The following PLEC variants were observed in gnomAD, a reference collection of about 807,000 sequenced individuals.
PLEC encodes plectin.
PLEC carries 216 observed loss-of-function variants against 392.8 expected under a neutral mutation model. That is an observed-to-expected ratio of 0.55 (90% CI 0.49 to 0.62). PLEC has a LOEUF of 0.62. Ranked by LOEUF, PLEC falls within the 20% of genes least tolerant of loss-of-function variation. The pLI is 0.00. For missense variants in PLEC, 6,863 were observed against 6,563.4 expected, an observed-to-expected ratio of 1.05 and a Z score of -1.58; for synonymous variants, 3,621 against 2,980.6, an observed-to-expected ratio of 1.21 and a Z score of -7.00.
rs782459697 is a variant in PLEC, at chr8:143,938,127, CGGAGGGGGCA to C, written c.264+14_264+23del. 1.3e-6 allele frequency: 2 copies of C among 1,575,624 alleles called. No homozygotes were observed. Among genetic ancestry groups the C allele is most frequent in the Non-Finnish European group, 8.6e-7 (1 of 1,158,436 alleles). ...GTCTCCAGGTGGGGCAGGCGGGGCC[CGGAGGGGGCA>C]GGGGCACACGTACCAGGCTGTCCCC... is the stretch of plus-strand genomic sequence containing the variant. On this transcript the variant is annotated intron_variant, in intron 3 of 31. Transcript: ENST00000345136.
intron 17 of PLEC, 31 bp downstream of exon 17, chr8:143,932,099 C>G (rs782419680): frequency 1.9e-5 from 30 of 1,588,676 alleles, no homozygotes; most frequent in African/African-American, 5.4e-5. Flanking sequence ...CGGCCCCCCC[C>G]GCAGCCCCGC....
intron 1 of PLEC, among the ~76,000 whole-genome samples, chr8:143,971,955 C>T (rs751980702): frequency 7.2e-5 from 11 of 152,180 alleles, no homozygotes; most frequent in South Asian, 2.1e-4. Context: ...GTCTGGCTCA[C>T]CCCTGGATGA....
chr8:143,936,575 C>T (rs978792026), intron 5 of PLEC, among the ~76,000 whole-genome samples: 1 of 152,232 alleles, frequency 6.6e-6, no homozygotes, highest in Non-Finnish European at 1.5e-5. Flanking sequence ...GCCTGTGTGA[C>T]TCAGCTGCCG....
intron 1 of PLEC, among the ~76,000 whole-genome samples, chr8:143,949,777 G>A (rs1831916368): frequency 1.3e-5 from 2 of 152,232 alleles, no homozygotes; most frequent in Non-Finnish European, 2.9e-5. Context: ...GCCATGTGCT[G>A]GAGGAGGGCC....
At chr8:143,952,941 T>C (rs1279643124), upstream of PLEC, among the ~76,000 whole-genome samples, 5 of 151,194 alleles carry the variant, frequency 3.3e-5, no homozygotes, top group African/African-American at 1.2e-4. Flanking sequence ...GAGCAGAATG[T>C]TCCTGGCCCA....
chr8:143,950,405 C>A, exon 1 of PLEC: 2 of 1,606,158 alleles, frequency 1.2e-6, no homozygotes, highest in Non-Finnish European at 1.7e-6. Flanking sequence ...GACGGGGCGG[C>A]GCACGCGCTG....
In PLEC at chr8:143,923,867, G is replaced by A. The variant is rs367715805; in HGVS notation, c.6062C>T (p.Ala2021Val). Residue 2021 changes from alanine (A) to valine (V), a missense_variant, in exon 31 of 32, where the codon GCG (alanine) becomes GTG (valine). Physicochemically the swap from Ala to Val is moderately conservative, Grantham distance 64. Transcript: ENST00000345136. Reference sequence around the variant, plus strand: ...CTCCGCTCGCTCCCGCAGGCGCCGCGCCTCCTCCACCTTGGCTTTCAGCCG... The same window carrying A: ...CTCCGCTCGCTCCCGCAGGCGCCGCACCTCCTCCACCTTGGCTTTCAGCCG... ...VERLKAKVEE[A>V]RRLRERAEQE... is the part of the protein sequence containing the mutation. 1.8e-4 allele frequency: 292 copies of A among 1,592,884 alleles called. 2 individuals are homozygous for A. The highest frequency in any genetic ancestry group is 5.1e-4 in the Middle Eastern group (3 of 5,834).
rs781855609 is a variant in PLEC at position 143,932,455 on chromosome 8, C to CCCA, written c.1919_1921dup (p.Val640dup). The CCCA allele has an allele frequency of 6.2e-7, 1 of 1,612,806 alleles. No homozygotes were observed. Among genetic ancestry groups the CCCA allele is most frequent in the Non-Finnish European group, 8.5e-7 (1 of 1,179,982 alleles). ...GGTGTTGCGGTCGCTCCAGTCGAAGCCCACCTCCTCCTCCTCCTTCTCATT... is the reference window on the plus strand; with the variant it reads ...GGTGTTGCGGTCGCTCCAGTCGAAGCCCACCACCTCCTCCTCCTCCTTCTCATT... On this transcript the variant is annotated inframe_insertion, in exon 16 of 32. Transcript: ENST00000345136.
chr8:143,929,903 C>T (rs1267482776), intron 22 of PLEC, 33 bp downstream of exon 22: 2 of 1,605,460 alleles, frequency 1.2e-6, no homozygotes, highest in Non-Finnish European at 1.7e-6. Context: ...CCTCCTCCCA[C>T]CCAGAGAGCC....
upstream of PLEC, among the ~76,000 whole-genome samples, chr8:143,973,681 T>A (rs530432901): frequency 0.014 from 2,115 of 149,316 alleles, 22 homozygotes; most frequent in Admixed American, 0.02. This position sits in a 1 kb window ranked among gnomAD's most constrained non-coding sequence, Gnocchi z 5.6. Flanking sequence ...GGCGGGCCGG[T>A]TCCGCGGGCT....
chr8:143,957,097 G>T (rs11777239), upstream of PLEC, among the ~76,000 whole-genome samples: 13 of 151,912 alleles, frequency 8.6e-5, no homozygotes, highest in African/African-American at 3.1e-4. Flanking sequence ...GGCTACAGCC[G>T]GGGATTTCAA....
Position 143,922,882 on chromosome 8 carries a change from G to A in PLEC, c.7047C>T (p.Asp2349=). Residue 2349 remains aspartate, a synonymous_variant, in exon 31 of 32, where the codon GAC becomes GAT. Transcript: ENST00000345136. The part of the protein sequence containing the change: ...AQEQARRLQE[D]KEQMAQQLAE... ...CCAGCTGCTGCGCCATCTGCTCCTT[G>A]TCCTCCTGCAGCCGCCGCGCCTGCT... 6.3e-7 allele frequency: 1 copy of A among 1,582,654 alleles called. No homozygotes were observed. Among genetic ancestry groups the A allele is most frequent in the Non-Finnish European group, 8.6e-7 (1 of 1,165,488 alleles).
chr8:143,928,012 C>A lies in PLEC; in HGVS notation c.3261-20G>T. The A allele has an allele frequency of 6.3e-7, 1 of 1,584,098 alleles. No homozygotes were observed. Among genetic ancestry groups the A allele is most frequent in the Non-Finnish European group, 8.6e-7 (1 of 1,161,586 alleles). ...TTGAGCCTGGCGGGAAAGCGGGGCTCAGGGCCATGACATGGGGCTCGAGCA... is the reference window on the plus strand; with the variant it reads ...TTGAGCCTGGCGGGAAAGCGGGGCTAAGGGCCATGACATGGGGCTCGAGCA... On this transcript the variant is annotated intron_variant, in intron 25 of 31. Transcript: ENST00000345136.
chr8:143,928,025 T>C, intron 25 of PLEC, 33 bp from the exon 26 acceptor site: 5 of 1,570,402 alleles, frequency 3.2e-6, no homozygotes, highest in Non-Finnish European at 4.3e-6. Context: ...GGCCATGACA[T>C]GGGGCTCGAG....
intron 1 of PLEC, among the ~76,000 whole-genome samples, chr8:143,963,354 G>A (rs1215312751): frequency 2.0e-5 from 3 of 152,238 alleles, no homozygotes; most frequent in Non-Finnish European, 4.4e-5. Flanking sequence ...GCTGGCAGAG[G>A]TGCAGGTGCA....
Position 143,950,591 on chromosome 8 carries a change from TG to T in PLEC, c.115del (p.His39MetfsTer69), listed in dbSNP as rs782253915. 6.2e-7 allele frequency: 1 copy of T among 1,607,890 alleles called. No individual in the cohort carries two copies. Among genetic ancestry groups the T allele is most frequent in the East Asian group, 2.2e-5 (1 of 44,572 alleles). ...CTGCAGGTTGGTGACGCCGGGCACA[TG>T]GGGGTGCAAGCTGCGGGGCCGCCGG... On this transcript the variant is annotated frameshift_variant, in exon 1 of 32. Coordinates refer to the PLEC transcript ENST00000322810. LOFTEE classifies it high-confidence loss of function.
intron 1 of PLEC, among the ~76,000 whole-genome samples, chr8:143,947,861 C>T (rs1831683780): frequency 1.3e-5 from 2 of 152,238 alleles, no homozygotes; most frequent in African/African-American, 2.4e-5. Context: ...GGCCCAGGGC[C>T]TTCCCATGGG....
upstream of PLEC, chr8:143,942,424 C>T (rs1196960396): frequency 1.2e-6 from 2 of 1,605,766 alleles, no homozygotes; most frequent in African/African-American, 2.7e-5. Flanking sequence ...GAGGTAGCCC[C>T]TGCGGGCCGG....
chr8:143,960,684 G>A (rs11780978), intron 1 of PLEC, among the ~76,000 whole-genome samples: 45,599 of 151,812 alleles, frequency 0.3, 8,076 homozygotes, highest in Non-Finnish European at 0.4. Context: ...AATCAAAATC[G>A]TGTTGGAATA....
Sources: gnomAD v4.1 joint callset for allele counts (sites outside exome capture counted in the v4.1 genomes callset) on GRCh38, gnomAD v4.1.1 for gene constraint, Gnocchi (gnomAD v3.1) non-coding constraint, MANE v1.5 for transcripts, NCBI Gene and HGNC (gene_info 2026-07-23, HGNC 2026-07-21) for gene names.